The following TACR1 variants were observed in gnomAD, a reference collection of about 807,000 sequenced individuals.
The protein encoded by TACR1 is substance-P receptor.
Under a neutral mutation model 35.8 loss-of-function variants are expected in TACR1, and 25 were observed. That is an observed-to-expected ratio of 0.70 (90% confidence interval 0.51 to 0.98). TACR1 has a LOEUF of 0.98. TACR1 is among the 50% of genes least tolerant of loss of function. The probability of loss-of-function intolerance (pLI) is 0.00; values close to 1 mark genes in which losing one functional copy is unlikely to be tolerated. For synonymous variants in TACR1, 195 were observed against 206.7 expected, an observed-to-expected ratio of 0.94 and a Z score of 0.48; for missense variants, 478 against 522.9, an observed-to-expected ratio of 0.91 and a Z score of 0.84.
At chr2:75,195,527 A>G (rs1277520413) in intron 1 of TACR1, among the ~76,000 whole-genome samples, 1 of 152,156 alleles carries the variant, frequency 6.6e-6, no homozygotes, top group East Asian at 1.9e-4. Flanking sequence ...TCTTGATTCT[A>G]ATAGGAAATT....
intron 1 of TACR1, among the ~76,000 whole-genome samples, chr2:75,193,455 T>C (rs1023367820): frequency 2.0e-5 from 3 of 152,024 alleles, no homozygotes; most frequent in African/African-American, 7.3e-5. Flanking sequence ...TTGTCGGGCA[T>C]TCCAACTAAT....
At chr2:75,175,945 G>T (rs193177187) in intron 1 of TACR1, among the ~76,000 whole-genome samples, 3 of 134,800 alleles carry the variant, frequency 2.2e-5, no homozygotes, top group Admixed American at 8.6e-5. Context: ...TTTTATTGCC[G>T]ATAATTAATC....
intron 1 of TACR1, among the ~76,000 whole-genome samples, chr2:75,143,176 T>G (rs1558567390): frequency 6.6e-6 from 1 of 152,140 alleles, no homozygotes; most frequent in Non-Finnish European, 1.5e-5. Flanking sequence ...TAGTCTGAGG[T>G]GCAAGCGAGG....
intron 2 of TACR1, among the ~76,000 whole-genome samples, chr2:75,100,274 T>G (rs992374218): frequency 6.6e-6 from 1 of 152,246 alleles, no homozygotes. Flanking sequence ...TGAAATGAGA[T>G]GATGCATGCA....
At chr2:75,138,519 A>C (rs1363420314) in intron 1 of TACR1, among the ~76,000 whole-genome samples, 1 of 152,114 alleles carries the variant, frequency 6.6e-6, no homozygotes, top group Non-Finnish European at 1.5e-5. Flanking sequence ...CATTTTCTTG[A>C]CTCGAAACTG....
At chr2:75,198,415 T>A in intron 1 of TACR1, 131 bp downstream of exon 1, 1 of 1,036,128 alleles carries the variant, frequency 9.7e-7, no homozygotes, top group Non-Finnish European at 1.4e-6. Flanking sequence ...AATGACTCAG[T>A]TGATCAGTAA....
intron 1 of TACR1, among the ~76,000 whole-genome samples, chr2:75,162,309 C>A (rs1192977257): frequency 1.3e-5 from 2 of 152,146 alleles, no homozygotes; most frequent in Admixed American, 6.5e-5. Context: ...GCTTTCATTA[C>A]CCCACCTAAA....
intron 1 of TACR1, among the ~76,000 whole-genome samples, chr2:75,163,330 A>T (rs184024556): frequency 6.6e-6 from 1 of 152,226 alleles, no homozygotes; most frequent in Non-Finnish European, 1.5e-5. Flanking sequence ...TTTGGGCTCA[A>T]GTTCTTTAGG....
At chr2:75,096,140 T>C (rs1861457) in intron 2 of TACR1, among the ~76,000 whole-genome samples, 107,228 of 152,126 alleles carry the variant, frequency 0.7, 38,220 homozygotes, top group African/African-American at 0.8. Flanking sequence ...CAGTGCTCTT[T>C]TGGGCACTGG....
intron 2 of TACR1, among the ~76,000 whole-genome samples, chr2:75,092,924 T>C (rs144983437): frequency 1.4e-4 from 21 of 152,336 alleles, no homozygotes; most frequent in African/African-American, 4.6e-4. Context: ...ATTAAAGCTA[T>C]CAAAATAAGA....
At chr2:75,111,953 T>G (rs2103889986) in intron 2 of TACR1, among the ~76,000 whole-genome samples, 1 of 152,002 alleles carries the variant, frequency 6.6e-6, no homozygotes, top group East Asian at 1.9e-4. Context: ...TAAAAAAAAT[T>G]TAAAAAGGAA....
At chr2:75,169,984 G>C (rs1413212340) in intron 1 of TACR1, among the ~76,000 whole-genome samples, 1 of 151,940 alleles carries the variant, frequency 6.6e-6, no homozygotes, top group Non-Finnish European at 1.5e-5. Flanking sequence ...TGCATTTTTA[G>C]ATTTCTTTTG....
Position 75,051,358 on chromosome 2 carries a change from T to C in TACR1, c.825A>G (p.Pro275=), listed in dbSNP as rs751448578. The C allele has an allele frequency of 1.9e-6, 3 of 1,614,112 alleles. No individual in the cohort carries two copies. In the East Asian group the frequency reaches 6.7e-5, roughly 36 times the overall value. The part of the protein sequence containing the change: ...HIFFLLPYIN[P]DLYLKKFIQQ... ...GGATAAACTTCTTCAGGTAGAGATC[T>C]GGGTTGATGTAGGGCAGGAGGAAGA... The change falls in exon 4 of 5, where the codon CCA becomes CCG. Residue 275 remains proline, a synonymous_variant. Transcript: ENST00000305249.
At chr2:75,159,854 C>T (rs1327626257) in intron 1 of TACR1, among the ~76,000 whole-genome samples, 2 of 152,078 alleles carry the variant, frequency 1.3e-5, no homozygotes, top group Non-Finnish European at 2.9e-5. Flanking sequence ...TATATTGAAT[C>T]CTGGAGAAAC....
At chr2:75,093,275 T>A (rs1673342982) in intron 2 of TACR1, among the ~76,000 whole-genome samples, 1 of 152,180 alleles carries the variant, frequency 6.6e-6, no homozygotes, top group Admixed American at 6.5e-5. Flanking sequence ...AAAATTTAAA[T>A]TTTCCATCTT....
chr2:75,185,958 G>GT (rs1675683806), intron 1 of TACR1, among the ~76,000 whole-genome samples: 1 of 152,120 alleles, frequency 6.6e-6, no homozygotes, highest in Non-Finnish European at 1.5e-5. Context: ...ACGATACTTT[G>GT]TAACCACTTG....
At chr2:75,086,456 AC>A (rs1333669857) in intron 2 of TACR1, among the ~76,000 whole-genome samples, 1 of 152,218 alleles carries the variant, frequency 6.6e-6, no homozygotes, top group Non-Finnish European at 1.5e-5. Flanking sequence ...CAAGTGCAGT[AC>A]TTGGCACACA....
chr2:75,151,804 G>C (rs1457339276), intron 1 of TACR1, among the ~76,000 whole-genome samples: 1 of 150,604 alleles, frequency 6.6e-6, no homozygotes, highest in Non-Finnish European at 1.5e-5. Flanking sequence ...ACACCAGCCT[G>C]TGAAAGTAGC....
intron 1 of TACR1, among the ~76,000 whole-genome samples, chr2:75,123,915 T>G (rs984220690): frequency 3.3e-5 from 5 of 152,202 alleles, no homozygotes; most frequent in African/African-American, 1.2e-4. Flanking sequence ...CCTGAGCAAT[T>G]CTTGCTTATT....
Sources: gnomAD v4.1 joint callset for allele counts (sites outside exome capture counted in the v4.1 genomes callset) on GRCh38, gnomAD v4.1.1 for gene constraint, MANE v1.5 for transcripts, NCBI Gene and HGNC (gene_info 2026-07-23, HGNC 2026-07-21) for gene names.